The following DIPK1A variants were observed in gnomAD, a reference collection of about 807,000 sequenced individuals.
The protein encoded by DIPK1A is family with sequence similarity 69 member A.
DIPK1A carries 27 observed loss-of-function variants against 40.8 expected under a neutral mutation model. The observed-to-expected ratio is 0.66, with a 90% CI of 0.49 to 0.91. The LOEUF (loss-of-function observed/expected upper bound fraction) is 0.91, where lower values mean the gene tolerates loss of function less well. DIPK1A is among the 40% of genes least tolerant of loss of function. DIPK1A has a pLI of 0.00. For missense variants in DIPK1A, 412 were observed against 505.7 expected (o/e 0.81, Z 1.78); for synonymous variants, 166 against 171.3 (o/e 0.97, Z 0.24).
rs529818568 is a variant in DIPK1A, at chr1:92,842,716, G to A, written c.*667C>T. 8.1e-6 allele frequency: 8 copies of A among 985,372 alleles called. No homozygotes were observed. The African/African-American group carries it at 1.4e-4, about 17-fold the overall frequency. The allele number at this position is 985,372 out of a possible 1,614,324, so 61.0% of individuals were successfully genotyped here. A position where few individuals can be genotyped will look rare whatever the true frequency, so the allele number is the denominator to read the frequency against. On this transcript the variant is annotated 3_prime_UTR_variant, in exon 5 of 5. Transcript: ENST00000370310. ...AGTCAGCTGCGTGATACTAAGATGGGCCCTTTGAATCTTTAGGAAAGTTCA... is the reference window on the plus strand; with the variant it reads ...AGTCAGCTGCGTGATACTAAGATGGACCCTTTGAATCTTTAGGAAAGTTCA...
chr1:92,933,949 T>A (rs1481644831), intron 1 of DIPK1A: 1 of 152,186 alleles, frequency 6.6e-6, no homozygotes, highest in Non-Finnish European at 1.5e-5. Flanking sequence ...GGAGACTAGT[T>A]AGGAAGTTGT....
chr1:92,833,291 C>G, intron 4 of DIPK1A: 1 of 992,938 alleles, frequency 1.0e-6, no homozygotes, highest in South Asian at 1.4e-5. Flanking sequence ...TCTGTTTACT[C>G]TTGAAGTTCA....
intron 1 of DIPK1A, among the ~76,000 whole-genome samples, chr1:92,905,068 A>T (rs1649562525): frequency 6.6e-6 from 1 of 152,146 alleles, no homozygotes; most frequent in Non-Finnish European, 1.5e-5. Flanking sequence ...ATGGACACTT[A>T]GGTTGCTTCC....
At chr1:92,904,292 C>G (rs1240288977) in intron 1 of DIPK1A, among the ~76,000 whole-genome samples, 1 of 152,158 alleles carries the variant, frequency 6.6e-6, no homozygotes, top group African/African-American at 2.4e-5. Flanking sequence ...TGGTTACTTA[C>G]AGCAACACAA....
downstream of DIPK1A, among the ~76,000 whole-genome samples, chr1:92,839,961 C>T (rs1452980318): frequency 6.6e-6 from 1 of 151,770 alleles, no homozygotes; most frequent in Non-Finnish European, 1.5e-5. Flanking sequence ...CCACCTCAGC[C>T]TCTCGAGGTA....
At position 92,956,902 on chromosome 1, in the gene DIPK1A, C is replaced by T. The variant is rs115642531; in HGVS notation, c.54+4474G>A. Among the ~76,000 whole-genome samples, 291 of 152,284 alleles carry T rather than the reference C, an allele frequency of 1.9e-3. 2 individuals are homozygous for T. Among genetic ancestry groups the T allele is most frequent in the African/African-American group, 6.5e-3 (271 of 41,562 alleles). On this transcript the variant is annotated intron_variant, in intron 1 of 4. Coordinates refer to ENST00000370310, the MANE Select transcript of DIPK1A (RefSeq NM_001006605.5). Reference sequence around the variant, plus strand: ...TCTAAAACTTTAAGCCCCTTACAAGCAAAACGGCTTGAAAACCTTCAAAGG... The same window carrying T: ...TCTAAAACTTTAAGCCCCTTACAAGTAAAACGGCTTGAAAACCTTCAAAGG...
chr1:92,901,345 G>T (rs1649403848), intron 1 of DIPK1A, among the ~76,000 whole-genome samples: 1 of 151,908 alleles, frequency 6.6e-6, no homozygotes, highest in Admixed American at 6.6e-5. Flanking sequence ...TAGGTGCAGG[G>T]TTTTGCCAAC....
At position 92,930,899 on chromosome 1, in the gene DIPK1A, C is replaced by T. The variant is rs140254208; in HGVS notation, c.54+30477G>A. The T allele has an allele frequency of 2.0e-3, 298 of 152,258 alleles. 1 individual carries two copies. The highest frequency in any genetic ancestry group is 7.0e-3 in the African/African-American group (289 of 41,542). 9.4% of individuals were successfully genotyped at this position (152,258 alleles called of 1,614,324 possible). A position where few individuals can be genotyped will look rare whatever the true frequency, so the allele number is the denominator to read the frequency against. ...GACTAAGATGGTCCCTTCCTGGGGT[C>T]CTGTAACACTCTATACACACTTCTG... On this transcript the variant is annotated intron_variant, in intron 1 of 4. Coordinates refer to ENST00000370310, the MANE Select transcript of DIPK1A (RefSeq NM_001006605.5).
intron 4 of DIPK1A, chr1:92,833,129 C>A: frequency 1.5e-6 from 1 of 674,422 alleles, no homozygotes; most frequent in Admixed American, 2.4e-5. Context: ...TAAATTGGGG[C>A]CTGCATTTTG....
intron 4 of DIPK1A, chr1:92,836,778 A>G (rs1233830042): frequency 4.5e-6 from 1 of 222,942 alleles, no homozygotes; most frequent in South Asian, 6.3e-5. Flanking sequence ...AGAATTTTAT[A>G]AGAAGTTTGA....
chr1:92,889,787 A>G (rs947713385), intron 1 of DIPK1A, among the ~76,000 whole-genome samples: 1 of 152,068 alleles, frequency 6.6e-6, no homozygotes, highest in Admixed American at 6.6e-5. Flanking sequence ...AGCTGAGACT[A>G]CAGACATGTT....
At chr1:92,921,961 TC>T (rs201551132) in intron 1 of DIPK1A, among the ~76,000 whole-genome samples, 11 of 151,894 alleles carry the variant, frequency 7.2e-5, no homozygotes, top group East Asian at 1.9e-4. Context: ...TATTTTTTTT[TC>T]CTGGTAGAGC....
chr1:92,859,504 AAT>A (rs1264468938), intron 2 of DIPK1A, among the ~76,000 whole-genome samples: 2 of 152,108 alleles, frequency 1.3e-5, no homozygotes, highest in Non-Finnish European at 2.9e-5. Context: ...CACACAGTTT[AAT>A]ATATGTGTGT....
downstream of DIPK1A, chr1:92,837,853 T>C: frequency 1.8e-6 from 1 of 555,818 alleles, no homozygotes; most frequent in Non-Finnish European, 3.2e-6. Flanking sequence ...TCTGTATTTG[T>C]AGATGTCATT....
downstream of DIPK1A, chr1:92,840,877 A>T: frequency 1.6e-6 from 1 of 620,864 alleles, no homozygotes; most frequent in African/African-American, 1.8e-5. Flanking sequence ...GCATTTTTTT[A>T]TTGGCTGACA....
chr1:92,936,313 G>C (rs749702592), intron 1 of DIPK1A, among the ~76,000 whole-genome samples: 30 of 152,004 alleles, frequency 2.0e-4, no homozygotes, highest in Non-Finnish European at 7.4e-5. Flanking sequence ...TTTTCTGAAG[G>C]GAAAACAGAA....
At chr1:92,851,946 G>C (rs1455916038) in intron 2 of DIPK1A, among the ~76,000 whole-genome samples, 1 of 152,146 alleles carries the variant, frequency 6.6e-6, no homozygotes. Context: ...GATAAGACAG[G>C]CCTGAATGAT....
intron 1 of DIPK1A, among the ~76,000 whole-genome samples, chr1:92,882,285 G>A (rs1648414575): frequency 6.6e-6 from 1 of 152,200 alleles, no homozygotes; most frequent in Admixed American, 6.5e-5. Flanking sequence ...CTACTTGAGA[G>A]GCTGAGGCAG....
intron 1 of DIPK1A, among the ~76,000 whole-genome samples, chr1:92,959,404 T>G (rs894986084): frequency 6.6e-6 from 1 of 152,030 alleles, no homozygotes; most frequent in Non-Finnish European, 1.5e-5. Context: ...AGTTCATTAT[T>G]GTTTTCTGTT....
Sources: allele counts gnomAD v4.1 joint callset (sites outside exome capture counted in the v4.1 genomes callset), GRCh38; gene constraint gnomAD v4.1.1; transcripts MANE v1.5; gene names NCBI Gene and HGNC (gene_info 2026-07-23, HGNC 2026-07-21).